The following AHCTF1 variants were observed in gnomAD, a reference collection of about 807,000 sequenced individuals.
AHCTF1 encodes AT-hook containing transcription factor 1.
In AHCTF1, 24 loss-of-function variants were observed where a neutral mutation model predicts 248.4. That is an observed-to-expected ratio of 0.10 (90% CI 0.07 to 0.14). The LOEUF (loss-of-function observed/expected upper bound fraction) is 0.14, where lower values mean the gene tolerates loss of function less well. Ranked by LOEUF, AHCTF1 falls within the 10% of genes least tolerant of loss-of-function variation. The probability of loss-of-function intolerance (pLI) is 1.00; values close to 1 mark genes in which losing one functional copy is unlikely to be tolerated. For synonymous variants in AHCTF1, 786 were observed against 929.8 expected, an observed-to-expected ratio of 0.85 and a Z score of 2.81; for missense variants, 2,206 against 2,636.2, an observed-to-expected ratio of 0.84 and a Z score of 3.57.
At chr1:246,868,484 G>C (rs1277545462) in intron 24 of AHCTF1, among the ~76,000 whole-genome samples, 1 of 151,614 alleles carries the variant, frequency 6.6e-6, no homozygotes, top group Non-Finnish European at 1.5e-5. Context: ...CAAACTCCGG[G>C]CCTCAAGTGA....
In AHCTF1 at chr1:246,903,967, T is replaced by C; in HGVS notation, c.948A>G (p.Ser316=). 1 of 1,614,034 alleles carries C rather than the reference T, an allele frequency of 6.2e-7. No homozygotes were observed. The highest frequency in any genetic ancestry group is 8.5e-7 in the Non-Finnish European group (1 of 1,179,944). ...CATTTACCTCATATAAGATTTGTCC[T>C]GATGCCAAACACTTTCTATTACCAA... ...LAFGNRKCLA[S]GQILYEGLEY... is the part of the protein sequence containing the mutation. The change falls in exon 7 of 36, where the codon TCA becomes TCG. Residue 316 remains serine, a synonymous_variant. Transcript: ENST00000648844.
At chr1:246,868,509 C>T (rs903223654) in intron 24 of AHCTF1, among the ~76,000 whole-genome samples, 1 of 151,892 alleles carries the variant, frequency 6.6e-6, no homozygotes, top group African/African-American at 2.4e-5. Context: ...CCCTCCTCGG[C>T]CTCTCAAAGT....
intron 1 of AHCTF1, among the ~76,000 whole-genome samples, chr1:246,922,273 T>C (rs898694623): frequency 1.3e-5 from 2 of 152,040 alleles, no homozygotes; most frequent in South Asian, 2.1e-4. Flanking sequence ...GAAAGGAGAA[T>C]TGCTTGAACC....
chr1:246,907,630 T>C lies in AHCTF1; in HGVS notation c.685A>G (p.Ile229Val). Residue 229 changes from isoleucine (I) to valine (V), a missense_variant, in exon 5 of 36, where the codon ATA (isoleucine) becomes GTA (valine). Ile to Val is a conservative substitution (Grantham distance 29). Coordinates refer to ENST00000648844, the MANE Select transcript of AHCTF1 (RefSeq NM_001323342.2). ...TGTAVSTLSY[I>V]SRTNQLAVGF... The stretch of plus-strand genomic sequence containing the variant: ...ACAGCAAGCTGATTTGTCCTGCTTA[T>C]GTAACTAAGAGTTGAAACAGCTGTT... The C allele has an allele frequency of 1.9e-6, 3 of 1,613,882 alleles. No individual in the cohort carries two copies. The highest frequency in any genetic ancestry group is 2.5e-6 in the Non-Finnish European group (3 of 1,179,826).
chr1:246,899,416 T>G, intron 11 of AHCTF1, 35 bp downstream of exon 11: 2 of 1,512,210 alleles, frequency 1.3e-6, no homozygotes, highest in Non-Finnish European at 1.8e-6. Context: ...AGATCTGACT[T>G]CAGTTCAATT....
rs562873969 is a variant in AHCTF1 at position 246,842,365 on chromosome 1, T to G, written c.6608+329A>C. ...GGGAGGCCAAGGCAGGCGGATCACTTGAGACCAGGAGTTTGAGACCAGCCT... is the reference window on the plus strand; with the variant it reads ...GGGAGGCCAAGGCAGGCGGATCACTGGAGACCAGGAGTTTGAGACCAGCCT... On this transcript the variant is annotated intron_variant, in intron 35 of 35. Coordinates refer to ENST00000648844, the MANE Select transcript of AHCTF1 (RefSeq NM_001323342.2). Among the ~76,000 whole-genome samples, 28 of 152,136 alleles carry G rather than the reference T, an allele frequency of 1.8e-4. 1 individual carries two copies. The South Asian group carries it at 5.6e-3, about 30-fold the overall frequency.
intron 33 of AHCTF1, among the ~76,000 whole-genome samples, chr1:246,844,857 T>C (rs1295126800): frequency 6.6e-6 from 1 of 151,394 alleles, no homozygotes; most frequent in Admixed American, 6.6e-5. Flanking sequence ...CAATTATCAA[T>C]ATAATTACAG....
intron 14 of AHCTF1, 55 bp downstream of exon 14, chr1:246,894,604 A>G: frequency 7.3e-7 from 1 of 1,366,534 alleles, no homozygotes; most frequent in Non-Finnish European, 1.0e-6. Context: ...GACATAAACC[A>G]AGGTTAGTAT....
chr1:246,909,844 T>C (rs936630174), intron 4 of AHCTF1, among the ~76,000 whole-genome samples: 11 of 152,164 alleles, frequency 7.2e-5, no homozygotes, highest in Non-Finnish European at 2.9e-5. Context: ...CTAAGCCACA[T>C]CATTAGTCTC....
In AHCTF1 at chr1:246,916,459, G is replaced by C. The variant is rs1244633857; in HGVS notation, c.122-64C>G. 2.8e-6 allele frequency: 4 copies of C among 1,421,112 alleles called. No homozygotes were observed. The Admixed American group carries it at 8.4e-5, about 30-fold the overall frequency. The allele number at this position is 1,421,112 out of a possible 1,614,324, so 88.0% of individuals were successfully genotyped here. On this transcript the variant is annotated intron_variant, in intron 2 of 35. Transcript: ENST00000648844. ...TACACAAAACATGCAATAACGGTTAGCTCATTTACATACAACTATATGTTC... is the reference window on the plus strand; with the variant it reads ...TACACAAAACATGCAATAACGGTTACCTCATTTACATACAACTATATGTTC...
chr1:246,882,766 T>C (rs1226411949), intron 21 of AHCTF1, among the ~76,000 whole-genome samples: 1 of 152,210 alleles, frequency 6.6e-6, no homozygotes, highest in African/African-American at 2.4e-5. Context: ...TGCTGTACGG[T>C]GCATCATGGT....
At chr1:246,883,976 C>T (rs1377146195) in intron 21 of AHCTF1, among the ~76,000 whole-genome samples, 1 of 152,098 alleles carries the variant, frequency 6.6e-6, no homozygotes, top group East Asian at 1.9e-4. Context: ...CATGTTTCTT[C>T]CAAAGTTCCA....
intron 24 of AHCTF1, among the ~76,000 whole-genome samples, chr1:246,868,899 C>T (rs1239312713): frequency 6.8e-6 from 1 of 147,228 alleles, no homozygotes; most frequent in Non-Finnish European, 1.5e-5. Context: ...GGTTGGAGTG[C>T]AGTGGTGTGA....
chr1:246,891,644 C>A, intron 15 of AHCTF1, 135 bp downstream of exon 15: 2 of 906,944 alleles, frequency 2.2e-6, no homozygotes, highest in Admixed American at 3.7e-5. Context: ...AAGAAACAAA[C>A]AAAAACCCTA....
chr1:246,916,565 A>T (rs1404995008), intron 2 of AHCTF1, among the ~76,000 whole-genome samples, 170 bp from the exon 3 acceptor site: 1 of 152,198 alleles, frequency 6.6e-6, no homozygotes, highest in African/African-American at 2.4e-5. Context: ...ATAGTCATTC[A>T]GTGGCGTGAA....
intron 7 of AHCTF1, among the ~76,000 whole-genome samples, chr1:246,903,071 G>C (rs1665118312): frequency 6.6e-6 from 1 of 152,172 alleles, no homozygotes; most frequent in Non-Finnish European, 1.5e-5. Flanking sequence ...TTAAGAATCT[G>C]ACAAAAGGCT....
chr1:246,906,407 G>A lies in AHCTF1; in HGVS notation c.765-750C>T, dbSNP rs534860397. On this transcript the variant is annotated intron_variant, in intron 5 of 35. Coordinates refer to ENST00000648844, the MANE Select transcript of AHCTF1 (RefSeq NM_001323342.2). ...AGTCTGACCAACAAGGTGAAAATCC[G>A]TCTCTAAAAAAAAAAAATACAAAAA... 6.6e-5 allele frequency among the ~76,000 whole-genome samples: 10 copies of A among 151,292 alleles called. 1 individual carries two copies. In the South Asian group the frequency reaches 1.0e-3, roughly 16 times the overall value.
Position 246,853,275 on chromosome 1 carries a change from C to T in AHCTF1, c.4379G>A (p.Gly1460Asp), listed in dbSNP as rs764383704. The T allele has an allele frequency of 1.2e-6, 2 of 1,613,142 alleles. No homozygotes were observed. Among genetic ancestry groups the T allele is most frequent in the East Asian group, 4.5e-5 (2 of 44,850 alleles). ...NKSMADVLGD[G>D]GNSSLTISEG... ...AGAGATAGTGAGCGAGGAGTTTCCACCATCACCAAGGACATCAGCCATAGC... is the reference window on the plus strand; with the variant it reads ...AGAGATAGTGAGCGAGGAGTTTCCATCATCACCAAGGACATCAGCCATAGC... Residue 1460 changes from glycine (G) to aspartate (D), a missense_variant, in exon 32 of 36, where the codon GGT (glycine) becomes GAT (aspartate). By Grantham distance (94) the Gly-to-Asp change is moderately conservative. Transcript: ENST00000648844.
intron 4 of AHCTF1, among the ~76,000 whole-genome samples, chr1:246,908,852 T>C (rs1176886888): frequency 6.7e-6 from 1 of 149,666 alleles, no homozygotes; most frequent in Non-Finnish European, 1.5e-5. Flanking sequence ...GAGCCAAGAT[T>C]GAGCCACTGC....
Sources: allele counts gnomAD v4.1 joint callset (sites outside exome capture counted in the v4.1 genomes callset), GRCh38; gene constraint gnomAD v4.1.1; transcripts MANE v1.5; gene names NCBI Gene and HGNC (gene_info 2026-07-23, HGNC 2026-07-21).